Variants in BLOC1S5 observed in about 807,000 individuals in gnomAD.
BLOC1S5 encodes the protein biogenesis of lysosomal organelles complex 1 subunit 5.
In BLOC1S5, 27 loss-of-function variants were observed where a neutral mutation model predicts 24.3. The ratio of observed to expected loss-of-function variants is 1.11; its 90% CI spans 0.82 to 1.53. BLOC1S5 has a LOEUF of 1.53. Among genes scored for constraint, BLOC1S5 ranks in the 40% most tolerant of loss-of-function variants. The pLI, the probability that BLOC1S5 is intolerant of heterozygous loss-of-function variation, is 0.00. For missense variants in BLOC1S5, 239 were observed against 229.4 expected (o/e 1.04, Z -0.27); for synonymous variants, 84 against 74.5 (o/e 1.13, Z -0.66).
At chr6:8,025,466 C>A (rs938082065) in intron 4 of BLOC1S5, among the ~76,000 whole-genome samples, 1 of 152,130 alleles carries the variant, frequency 6.6e-6, no homozygotes, top group South Asian at 2.1e-4. Context: ...GACTGGCCTG[C>A]GGGGTCCCAC....
At chr6:8,057,234 A>C (rs1234828843) in intron 2 of BLOC1S5, among the ~76,000 whole-genome samples, 4 of 148,380 alleles carry the variant, frequency 2.7e-5, no homozygotes, top group Non-Finnish European at 5.9e-5. Flanking sequence ...AAAAGAAAAG[A>C]AAAAAAGAAA....
At chr6:8,039,253 T>C (rs1763600940) in intron 3 of BLOC1S5, among the ~76,000 whole-genome samples, 1 of 152,078 alleles carries the variant, frequency 6.6e-6, no homozygotes, top group Non-Finnish European at 1.5e-5. Flanking sequence ...CTCATGAATA[T>C]AGAGAGTAGA....
chr6:8,029,153 T>C (rs78137871), intron 3 of BLOC1S5, among the ~76,000 whole-genome samples: 5,951 of 152,236 alleles, frequency 0.039, 370 homozygotes, highest in African/African-American at 0.13. Context: ...ATTTCACAAC[T>C]TGCAGTTCCA....
chr6:8,060,300 T>C (rs79690900), intron 2 of BLOC1S5, among the ~76,000 whole-genome samples: 4,794 of 152,224 alleles, frequency 0.031, 233 homozygotes, highest in African/African-American at 0.1. Context: ...AAAGGAAGAA[T>C]TGTGGCTGAA....
chr6:8,056,029 C>A (rs78889660), intron 2 of BLOC1S5, among the ~76,000 whole-genome samples: 3,730 of 152,274 alleles, frequency 0.024, 157 homozygotes, highest in African/African-American at 0.083. Flanking sequence ...TATAAGTAGA[C>A]AAGTTCAGCC....
intron 2 of BLOC1S5, among the ~76,000 whole-genome samples, chr6:8,052,105 T>A (rs1221534094): frequency 6.6e-6 from 1 of 151,874 alleles, no homozygotes; most frequent in Non-Finnish European, 1.5e-5. Context: ...TAGCTGGGAT[T>A]ACAGGCGCCC....
intron 4 of BLOC1S5, among the ~76,000 whole-genome samples, chr6:8,020,950 C>T (rs1337783522): frequency 6.6e-6 from 1 of 152,082 alleles, no homozygotes; most frequent in Non-Finnish European, 1.5e-5. Context: ...ATTTGTACAC[C>T]CATGTTTACA....
chr6:8,035,368 G>A (rs201175091), intron 3 of BLOC1S5, among the ~76,000 whole-genome samples: 3 of 105,874 alleles, frequency 2.8e-5, no homozygotes, highest in Admixed American at 9.4e-5. Context: ...TTAAAAAAAA[G>A]GCATAGAGTG....
chr6:8,042,910 C>T (rs1166099873), intron 2 of BLOC1S5, among the ~76,000 whole-genome samples: 2 of 152,208 alleles, frequency 1.3e-5, no homozygotes, highest in Admixed American at 6.5e-5. Flanking sequence ...TTACACTTTA[C>T]ATGTGTTGTC....
rs1338764973 is a variant in BLOC1S5, at chr6:8,013,925, C to T, written c.*1724G>A. 1.3e-5 allele frequency: 2 copies of T among 152,058 alleles called. No individual in the cohort carries two copies. The highest frequency in any genetic ancestry group is 1.9e-4 in the East Asian group (1 of 5,192). 9.4% of individuals were successfully genotyped at this position (152,058 alleles called of 1,614,324 possible). On this transcript the variant is annotated 3_prime_UTR_variant, in exon 5 of 5. Transcript: ENST00000397457. ...GATGAGCCTGTCAAGCCTACAGTAG[C>T]GGATAGAGAAAGTTGGCAGAAGTTC...
At chr6:8,016,976 A>G (rs1006635235) in intron 4 of BLOC1S5, among the ~76,000 whole-genome samples, 1 of 151,316 alleles carries the variant, frequency 6.6e-6, no homozygotes, top group Admixed American at 6.6e-5. Flanking sequence ...AGTTCTTGAG[A>G]TGTTCCTTAA....
At chr6:8,040,629 C>T (rs1011235064) in intron 3 of BLOC1S5, among the ~76,000 whole-genome samples, 1 of 152,084 alleles carries the variant, frequency 6.6e-6, no homozygotes, top group Non-Finnish European at 1.5e-5. Flanking sequence ...GAGGCCGAGG[C>T]AGGTGGATCA....
intron 3 of BLOC1S5, among the ~76,000 whole-genome samples, chr6:8,038,642 G>A (rs7770219): frequency 0.039 from 5,974 of 152,188 alleles, 370 homozygotes; most frequent in African/African-American, 0.13. Flanking sequence ...CCGCCACCAT[G>A]CCTGGCTACT....
chr6:8,037,025 T>C (rs1763512867), intron 3 of BLOC1S5, among the ~76,000 whole-genome samples: 1 of 152,142 alleles, frequency 6.6e-6, no homozygotes, highest in South Asian at 2.1e-4. Flanking sequence ...ACAGCTAACA[T>C]CATACTGAAT....
intron 3 of BLOC1S5, among the ~76,000 whole-genome samples, chr6:8,032,913 C>T (rs1157358255): frequency 6.6e-6 from 1 of 152,130 alleles, no homozygotes; most frequent in Non-Finnish European, 1.5e-5. Context: ...AGGAATCCAA[C>T]GTATAAGGGA....
In BLOC1S5 at chr6:8,046,057, G is replaced by C. The variant is rs544959142; in HGVS notation, c.196-4789C>G. The stretch of plus-strand genomic sequence containing the variant: ...TCTGTCCCCACCCAAATCTCAACTT[G>C]AATTGTATCTCCCAGAACTCCCACG... On this transcript the variant is annotated intron_variant, in intron 2 of 4. Transcript: ENST00000397457. 2.7e-4 allele frequency among the ~76,000 whole-genome samples: 41 copies of C among 152,266 alleles called. 1 individual carries two copies. Among genetic ancestry groups the C allele is most frequent in the African/African-American group, 9.6e-4 (40 of 41,552 alleles).
At chr6:8,030,673 A>T (rs1763265020) in intron 3 of BLOC1S5, among the ~76,000 whole-genome samples, 1 of 149,666 alleles carries the variant, frequency 6.7e-6, no homozygotes, top group Non-Finnish European at 1.5e-5. Context: ...GGAGTTCGAG[A>T]CCAGCCTGAA....
chr6:8,057,599 A>G (rs1213155511), intron 2 of BLOC1S5, among the ~76,000 whole-genome samples: 1 of 152,226 alleles, frequency 6.6e-6, no homozygotes, highest in Non-Finnish European at 1.5e-5. Context: ...CTCATGTGTT[A>G]TATGGAACAG....
intron 2 of BLOC1S5, among the ~76,000 whole-genome samples, chr6:8,044,291 AAAAAAAAAAAAAAG>A (rs1168411863): frequency 6.6e-6 from 1 of 151,158 alleles, no homozygotes; most frequent in Admixed American, 6.6e-5. Flanking sequence ...CTCAAAAAAA[AAAAAAAAAAAAAAG>A]AAGGAAGTGT....
Sources: allele counts gnomAD v4.1 joint callset (sites outside exome capture counted in the v4.1 genomes callset), GRCh38; gene constraint gnomAD v4.1.1; transcripts MANE v1.5; gene names NCBI Gene and HGNC (gene_info 2026-07-23, HGNC 2026-07-21).